Variants in BMPER observed in about 807,000 individuals in gnomAD.
The protein encoded by BMPER is BMP-binding endothelial regulator protein.
BMPER carries 45 observed loss-of-function variants against 87.3 expected under a neutral mutation model. The observed-to-expected ratio is 0.52, with a 90% CI of 0.41 to 0.66. BMPER has a LOEUF of 0.66. BMPER is among the 30% of genes least tolerant of loss of function. The pLI, the probability that BMPER is intolerant of heterozygous loss-of-function variation, is 0.00. For missense variants in BMPER, 784 were observed against 867.5 expected (o/e 0.90, Z 1.21); for synonymous variants, 326 against 316.2 (o/e 1.03, Z -0.33).
chr7:34,059,841 T>C (rs1300245011), intron 10 of BMPER, among the ~76,000 whole-genome samples: 5 of 152,100 alleles, frequency 3.3e-5, no homozygotes, highest in Non-Finnish European at 7.4e-5. Context: ...TGTAAATGTT[T>C]CTTGTGGAAG....
At chr7:33,953,846 G>A (rs1341615978) in intron 3 of BMPER, among the ~76,000 whole-genome samples, 1 of 152,010 alleles carries the variant, frequency 6.6e-6, no homozygotes, top group Non-Finnish European at 1.5e-5. Flanking sequence ...TCCACTTTCT[G>A]TCTTTATGAA....
At chr7:33,978,361 C>T (rs1028294497) in intron 6 of BMPER, among the ~76,000 whole-genome samples, 2 of 152,106 alleles carry the variant, frequency 1.3e-5, no homozygotes, top group East Asian at 1.9e-4. Context: ...TGTAAGTTAC[C>T]CACTCTCAGA....
chr7:33,991,407 G>A (rs1195656737), intron 6 of BMPER, among the ~76,000 whole-genome samples: 1 of 152,030 alleles, frequency 6.6e-6, no homozygotes, highest in Admixed American at 6.6e-5. Flanking sequence ...TTTGCGTAGA[G>A]GTGTTTGTAG....
intron 13 of BMPER, among the ~76,000 whole-genome samples, chr7:34,086,936 G>C (rs559205306): frequency 6.6e-6 from 1 of 152,100 alleles, no homozygotes; most frequent in Non-Finnish European, 1.5e-5. Flanking sequence ...AGCCCAAAAG[G>C]CCTTGTTTAA....
chr7:34,153,010 G>GC lies in BMPER; in HGVS notation c.1877-80dup. 12 of 1,504,324 alleles carry GC rather than the reference G, an allele frequency of 8.0e-6. No homozygotes were observed. The South Asian group carries it at 1.4e-4, about 17-fold the overall frequency. The allele number at this position is 1,504,324 out of a possible 1,614,324, so 93.2% of individuals were successfully genotyped here. ...TGGAAACGTCCATGAAGTGTCATGA[G>GC]CCTGCAAGAACGGCATCTGGCTGAG... On this transcript the variant is annotated intron_variant, in intron 14 of 14. Transcript: ENST00000649409.
chr7:34,118,515 G>T (rs1790174785), intron 13 of BMPER, among the ~76,000 whole-genome samples: 1 of 152,126 alleles, frequency 6.6e-6, no homozygotes. Context: ...TTGCCATGAG[G>T]GGGAAGCATT....
intron 2 of BMPER, among the ~76,000 whole-genome samples, chr7:33,913,982 G>A (rs1482624112): frequency 7.2e-6 from 1 of 138,808 alleles, no homozygotes; most frequent in East Asian, 2.1e-4. Flanking sequence ...TTTTTTTTGA[G>A]ATGGAGTCTC....
intron 6 of BMPER, among the ~76,000 whole-genome samples, chr7:33,983,661 G>A (rs1785919949): frequency 6.6e-6 from 1 of 152,158 alleles, no homozygotes; most frequent in Non-Finnish European, 1.5e-5. Flanking sequence ...AAGAACTGAA[G>A]CCATAAACTG....
At chr7:34,118,973 ATC>A (rs150887903) in intron 13 of BMPER, among the ~76,000 whole-genome samples, 71 of 127,050 alleles carry the variant, frequency 5.6e-4, no homozygotes, top group Non-Finnish European at 6.1e-4. Context: ...ATTCCTTAAA[ATC>A]TCTCTCTCTC....
chr7:34,024,863 G>T (rs1211443846), intron 6 of BMPER, among the ~76,000 whole-genome samples: 2 of 152,016 alleles, frequency 1.3e-5, no homozygotes, highest in Non-Finnish European at 2.9e-5. Context: ...TTTATGCAAT[G>T]AACTTGTTTT....
intron 6 of BMPER, among the ~76,000 whole-genome samples, chr7:34,011,195 A>G (rs1446296818): frequency 6.6e-6 from 1 of 151,798 alleles, no homozygotes; most frequent in Non-Finnish European, 1.5e-5. Flanking sequence ...TACTTCTTAG[A>G]CTATAATGTG....
At chr7:33,991,470 T>A (rs1786216162) in intron 6 of BMPER, among the ~76,000 whole-genome samples, 1 of 152,222 alleles carries the variant, frequency 6.6e-6, no homozygotes, top group Non-Finnish European at 1.5e-5. Flanking sequence ...ATATCCCCTG[T>A]ATCATTTTTT....
chr7:34,131,445 CA>C (rs2127991706), intron 13 of BMPER, among the ~76,000 whole-genome samples: 1 of 152,334 alleles, frequency 6.6e-6, no homozygotes, highest in Admixed American at 6.5e-5. Flanking sequence ...CCGCATCCTC[CA>C]GGGGCAGCCG....
At chr7:34,138,244 G>C (rs531227363) in intron 13 of BMPER, among the ~76,000 whole-genome samples, 1 of 152,298 alleles carries the variant, frequency 6.6e-6, no homozygotes, top group Admixed American at 6.5e-5. Context: ...AGTTCTGAAG[G>C]CTTCTCTGCA....
intron 13 of BMPER, among the ~76,000 whole-genome samples, chr7:34,132,983 A>T (rs144957110): frequency 4.0e-5 from 6 of 149,330 alleles, no homozygotes; most frequent in South Asian, 2.1e-4. Context: ...TCTTTTTTTT[A>T]AATTTGAATT....
chr7:34,009,131 T>G (rs1786812974), intron 6 of BMPER, among the ~76,000 whole-genome samples: 1 of 151,958 alleles, frequency 6.6e-6, no homozygotes, highest in Non-Finnish European at 1.5e-5. Context: ...GTATTTTTTT[T>G]TAATTTTAGA....
intron 13 of BMPER, among the ~76,000 whole-genome samples, chr7:34,138,658 G>A (rs1179063689): frequency 2.0e-5 from 3 of 152,176 alleles, no homozygotes; most frequent in Admixed American, 2.0e-4. Flanking sequence ...TATGCTTTAA[G>A]GGGATTGCAG....
chr7:33,982,999 G>C (rs1005051978), intron 6 of BMPER, among the ~76,000 whole-genome samples: 3 of 152,158 alleles, frequency 2.0e-5, no homozygotes, highest in Non-Finnish European at 2.9e-5. Context: ...GCAGAAAACG[G>C]TAAGGCAAGA....
intron 6 of BMPER, among the ~76,000 whole-genome samples, chr7:34,003,597 T>C (rs1786647374): frequency 6.6e-6 from 1 of 152,080 alleles, no homozygotes; most frequent in African/African-American, 2.4e-5. Flanking sequence ...TTAGTATTTT[T>C]ATGTAGGGCA....
Sources: gnomAD v4.1 joint callset for allele counts (sites outside exome capture counted in the v4.1 genomes callset) on GRCh38, gnomAD v4.1.1 for gene constraint, MANE v1.5 for transcripts, NCBI Gene and HGNC (gene_info 2026-07-23, HGNC 2026-07-21) for gene names.